The following ACTR10 variants were observed in gnomAD, a reference collection of about 807,000 sequenced individuals.
ACTR10 encodes the protein actin-related protein 10.
ACTR10 carries 43 observed loss-of-function variants against 56.2 expected under a neutral mutation model. The observed-to-expected ratio is 0.77, with a 90% CI of 0.60 to 0.99. ACTR10 has a LOEUF of 0.99. Ranked by LOEUF, ACTR10 falls within the 50% of genes least tolerant of loss-of-function variation. The probability of loss-of-function intolerance (pLI) is 0.00; values close to 1 mark genes in which losing one functional copy is unlikely to be tolerated. For missense variants in ACTR10, 466 were observed against 507.8 expected, an observed-to-expected ratio of 0.92 and a Z score of 0.79; for synonymous variants, 170 against 176.3, an observed-to-expected ratio of 0.96 and a Z score of 0.28.
chr14:58,204,519 C>G (rs1290930137), intron 2 of ACTR10, among the ~76,000 whole-genome samples: 1 of 152,152 alleles, frequency 6.6e-6, no homozygotes, highest in Non-Finnish European at 1.5e-5. Flanking sequence ...CCACTGCATT[C>G]CACCATGGGC....
intron 10 of ACTR10, among the ~76,000 whole-genome samples, chr14:58,224,645 C>A (rs1889356544): frequency 6.6e-6 from 1 of 152,082 alleles, no homozygotes; most frequent in African/African-American, 2.4e-5. Flanking sequence ...TGAAGTGGGG[C>A]AGGAAGTATG....
chr14:58,213,292 TTTGGTGTGTAGC>T (rs1225075703), intron 5 of ACTR10: 2 of 183,700 alleles, frequency 1.1e-5, no homozygotes, highest in African/African-American at 2.3e-5. Flanking sequence ...ACCTTCTAAA[TTTGGTGTGTAGC>T]TTAGTCTTAG....
chr14:58,221,280 T>TA (rs35943337), intron 8 of ACTR10, among the ~76,000 whole-genome samples: 4,040 of 108,190 alleles, frequency 0.037, 117 homozygotes, highest in Admixed American at 0.1. Context: ...AGACTCTGTC[T>TA]AAAAAAAAAA....
At chr14:58,228,830 C>T (rs1052190110) in intron 10 of ACTR10, among the ~76,000 whole-genome samples, 1 of 151,522 alleles carries the variant, frequency 6.6e-6, no homozygotes, top group African/African-American at 2.4e-5. Flanking sequence ...AGGCATGAGC[C>T]ATTGCATCTG....
chr14:58,220,545 A>G (rs1889239066), intron 8 of ACTR10, among the ~76,000 whole-genome samples: 1 of 152,252 alleles, frequency 6.6e-6, no homozygotes. Context: ...ATACAGAAAT[A>G]TCTCAGGTAA....
intron 4 of ACTR10, among the ~76,000 whole-genome samples, chr14:58,210,268 C>G (rs9323330): frequency 0.037 from 5,672 of 152,088 alleles, 343 homozygotes; most frequent in African/African-American, 0.13. Context: ...CAAATTCTTA[C>G]TGAAAAAAAT....
At chr14:58,202,322 C>A (rs1403436040) in intron 1 of ACTR10, among the ~76,000 whole-genome samples, 2 of 151,978 alleles carry the variant, frequency 1.3e-5, no homozygotes, top group African/African-American at 4.8e-5. Flanking sequence ...TGGCCCACGC[C>A]TGTAATACCA....
intron 10 of ACTR10, among the ~76,000 whole-genome samples, chr14:58,229,432 A>G (rs1889477508): frequency 1.3e-5 from 2 of 151,986 alleles, no homozygotes; most frequent in South Asian, 4.1e-4. Context: ...TAATCCTAGC[A>G]CTTTGGGAGG....
intron 10 of ACTR10, among the ~76,000 whole-genome samples, chr14:58,228,120 A>G (rs551078531): frequency 6.6e-6 from 1 of 152,330 alleles, no homozygotes; most frequent in South Asian, 2.1e-4. Flanking sequence ...TGAAATTAAA[A>G]GAAAAGAAGT....
intron 2 of ACTR10, among the ~76,000 whole-genome samples, chr14:58,203,850 G>GT (rs1228288930): frequency 6.6e-6 from 1 of 152,120 alleles, no homozygotes; most frequent in East Asian, 1.9e-4. Flanking sequence ...AGATGTAGCT[G>GT]TTACCACAGT....
rs370132859 is a variant in ACTR10, at chr14:58,200,277, G to T, written c.60G>T (p.Leu20=). 7 of 1,510,756 alleles carry T rather than the reference G, an allele frequency of 4.6e-6. No individual in the cohort carries two copies. The African/African-American group carries it at 1.0e-4, about 22-fold the overall frequency. 93.6% of individuals were successfully genotyped at this position (1,510,756 alleles called of 1,614,324 possible). A position where few individuals can be genotyped will look rare whatever the true frequency, so the allele number is the denominator to read the frequency against. Residue 20 remains leucine (L), a synonymous_variant, in exon 1 of 13, where the codon CTG becomes CTT. Coordinates refer to ENST00000254286, the MANE Select transcript of ACTR10 (RefSeq NM_018477.3). The part of the protein sequence containing the change: ...GGEKTAVVID[L]GEAFTKCGFA... ...AGAAGACGGCGGTCGTGATCGACCT[G>T]GGAGAGGCCTTTACCAAGTGAGTGG...
chr14:58,207,857 T>C, intron 2 of ACTR10, 79 bp from the exon 3 acceptor site: 1 of 833,544 alleles, frequency 1.2e-6, no homozygotes, highest in South Asian at 2.7e-5. Flanking sequence ...GAAAATGTAT[T>C]AGTAAATAAT....
chr14:58,201,363 T>C (rs1252913337), intron 1 of ACTR10, among the ~76,000 whole-genome samples: 1 of 152,192 alleles, frequency 6.6e-6, no homozygotes, highest in Non-Finnish European at 1.5e-5. Flanking sequence ...TTATTTTGGC[T>C]GTACTTGGAA....
chr14:58,202,353 G>T (rs1307183626), intron 1 of ACTR10, among the ~76,000 whole-genome samples: 3 of 151,892 alleles, frequency 2.0e-5, no homozygotes, highest in Non-Finnish European at 4.4e-5. Context: ...AGGCCGACGC[G>T]GGCGGGTCAC....
intron 10 of ACTR10, among the ~76,000 whole-genome samples, chr14:58,226,693 C>T (rs893906089): frequency 6.6e-6 from 1 of 151,962 alleles, no homozygotes; most frequent in Non-Finnish European, 1.5e-5. Flanking sequence ...CCCCACCTCC[C>T]GGGTTCAAGC....
At position 58,232,133 on chromosome 14, in the gene ACTR10, C is replaced by T; in HGVS notation, c.938C>T (p.Pro313Leu). The T allele has an allele frequency of 6.2e-7, 1 of 1,613,784 alleles. No homozygotes were observed. Among genetic ancestry groups the T allele is most frequent in the South Asian group, 1.1e-5 (1 of 91,068 alleles). The change falls in exon 12 of 13, where the codon CCA (proline) becomes CTA (leucine). Residue 313 changes from proline (P) to leucine (L), a missense_variant. Physicochemically the swap from Pro to Leu is moderately conservative, Grantham distance 98 (BLOSUM62 -3). Transcript: ENST00000254286. ...GTCATAGGTGGCACTTCTATGTTGC[C>T]AGGATTTCTCCACAGATTGCTTGCA... ...LVVIGGTSMLPGFLHRLLAEI... is the reference protein window; with the variant it reads ...LVVIGGTSMLLGFLHRLLAEI...
chr14:58,227,199 AAG>A (rs1889425098), intron 10 of ACTR10, among the ~76,000 whole-genome samples: 1 of 151,152 alleles, frequency 6.6e-6, no homozygotes, highest in Admixed American at 6.6e-5. Flanking sequence ...TAAGTACAGT[AAG>A]AGCTTAAAGT....
intron 7 of ACTR10, among the ~76,000 whole-genome samples, chr14:58,219,173 T>A (rs982729775): frequency 1.5e-4 from 23 of 152,176 alleles, no homozygotes; most frequent in Non-Finnish European, 3.2e-4. Context: ...ATTTTGTTTC[T>A]GAGACAGATT....
In ACTR10 at chr14:58,234,972, C is replaced by G. The variant is rs1450451127; in HGVS notation, c.*421C>G. The G allele has an allele frequency of 6.5e-6, 1 of 152,794 alleles. No homozygotes were observed. Among genetic ancestry groups the G allele is most frequent in the Non-Finnish European group, 1.5e-5 (1 of 68,522 alleles). 9.5% of individuals were successfully genotyped at this position (152,794 alleles called of 1,614,324 possible). ...TAGCTGGGACTATAGGCATACGCCA[C>G]CCCGCCCGGCTAATTTTTTGTATAT... is the stretch of plus-strand genomic sequence containing the variant. On this transcript the variant is annotated 3_prime_UTR_variant, in exon 13 of 13. Coordinates refer to ENST00000254286, the MANE Select transcript of ACTR10 (RefSeq NM_018477.3).
Sources: gnomAD v4.1 joint callset for allele counts (sites outside exome capture counted in the v4.1 genomes callset) on GRCh38, gnomAD v4.1.1 for gene constraint, MANE v1.5 for transcripts, NCBI Gene and HGNC (gene_info 2026-07-23, HGNC 2026-07-21) for gene names.